ATXN10: variants seen among roughly 807,000 people sequenced by gnomAD.
The protein encoded by ATXN10 is ataxin 10.
ATXN10 carries 28 observed loss-of-function variants against 52.9 expected under a neutral mutation model. The ratio of observed to expected loss-of-function variants is 0.53; its 90% confidence interval spans 0.39 to 0.73. ATXN10 has a LOEUF of 0.73. Among genes scored for constraint, ATXN10 ranks in the 30% least tolerant of loss-of-function variants. The pLI, the probability that ATXN10 is intolerant of heterozygous loss-of-function variation, is 0.00. For synonymous variants in ATXN10, 226 were observed against 221.5 expected (o/e 1.02, Z -0.18); for missense variants, 565 against 577.0 (o/e 0.98, Z 0.21).
chr22:45,835,285 C>T lies in ATXN10; in HGVS notation c.1238-7706C>T, dbSNP rs1224383891. On this transcript the variant is annotated intron_variant, in intron 10 of 11. Coordinates refer to ENST00000252934, the MANE Select transcript of ATXN10 (RefSeq NM_013236.4). The surrounding 1 kb of genome is among the most constrained non-coding windows in gnomAD (Gnocchi z 5.0). ...GCTTTGCCTGGCGCGGGCGCTTGAG[C>T]TTTCACATCTGGGACTGGTGAGGGA... Among the ~76,000 whole-genome samples the T allele has an allele frequency of 6.6e-6, 1 of 152,166 alleles. No individual in the cohort carries two copies. The highest frequency in any genetic ancestry group is 1.5e-5 in the Non-Finnish European group (1 of 68,038).
rs1427828275 is a variant in ATXN10, at chr22:45,821,366, A to C, written c.1237+14344A>C. 6.0e-5 allele frequency among the ~76,000 whole-genome samples: 9 copies of C among 150,432 alleles called. No homozygotes were observed. The East Asian group carries it at 1.4e-3, about 24-fold the overall frequency. On this transcript the variant is annotated intron_variant, in intron 10 of 11. Transcript: ENST00000252934. ...TCTCTTTAAAAAAAAAAAAAAAAAA[A>C]ACGAACCTAGCACAGTTTCCTCCAG...
In ATXN10 at chr22:45,727,402, A is replaced by G. The variant is rs1464560692; in HGVS notation, c.729-2023A>G. On this transcript the variant is annotated intron_variant, in intron 6 of 11. Transcript: ENST00000252934. This position sits in a 1 kb window ranked among gnomAD's most constrained non-coding sequence, Gnocchi z 4.6. ...GAGACTGAGTCTCGCTCTGTTGCCCAGGCTGGGGTGCAGTGGCACGATCTT... is the reference window on the plus strand; with the variant it reads ...GAGACTGAGTCTCGCTCTGTTGCCCGGGCTGGGGTGCAGTGGCACGATCTT... 6.6e-6 allele frequency among the ~76,000 whole-genome samples: 1 copy of G among 151,346 alleles called. No homozygotes were observed. Among genetic ancestry groups the G allele is most frequent in the Non-Finnish European group, 1.5e-5 (1 of 67,910 alleles).
chr22:45,784,240 A>G lies in ATXN10; in HGVS notation c.1174-22719A>G, dbSNP rs73889613. Among the ~76,000 whole-genome samples, 3,265 of 152,302 alleles carry G rather than the reference A, an allele frequency of 0.021. 122 individuals carry two copies. The highest frequency in any genetic ancestry group is 0.074 in the African/African-American group (3,077 of 41,552). On this transcript the variant is annotated intron_variant, in intron 9 of 11. Coordinates refer to ENST00000252934, the MANE Select transcript of ATXN10 (RefSeq NM_013236.4). This position sits in a 1 kb window ranked among gnomAD's most constrained non-coding sequence, Gnocchi z 4.2. ...TGGGCTTTGCCACTCATTAAGCTCC[A>G]TGACTGTGAACAAATTAACCCTTAC...
chr22:45,735,812 C>CTTTTTTTTTTTTTT (rs746222703), intron 7 of ATXN10, among the ~76,000 whole-genome samples: 34 of 65,816 alleles, frequency 5.2e-4, no homozygotes, highest in Admixed American at 8.2e-4. Context: ...ATTTGCTTGT[C>CTTTTTTTTTTTTTT]TTTTTTTTTT....
chr22:45,818,977 G>T lies in ATXN10; in HGVS notation c.1237+11955G>T, dbSNP rs149302027. Reference sequence around the variant, plus strand: ...GCCTAAAACTTGCGTAGTCTGACACGTAGGGAAAACATGAGAAATCCATGC... The same window carrying T: ...GCCTAAAACTTGCGTAGTCTGACACTTAGGGAAAACATGAGAAATCCATGC... On this transcript the variant is annotated intron_variant, in intron 10 of 11. Coordinates refer to ENST00000252934, the MANE Select transcript of ATXN10 (RefSeq NM_013236.4). The surrounding 1 kb of genome is among the most constrained non-coding windows in gnomAD (Gnocchi z 4.6). Among the ~76,000 whole-genome samples, 1 of 152,126 alleles carries T rather than the reference G, an allele frequency of 6.6e-6. No individual in the cohort carries two copies. Among genetic ancestry groups the T allele is most frequent in the South Asian group, 2.1e-4 (1 of 4,822 alleles).
chr22:45,761,384 G>A (rs1320780515), intron 9 of ATXN10, among the ~76,000 whole-genome samples: 5 of 152,184 alleles, frequency 3.3e-5, no homozygotes, highest in East Asian at 1.9e-4. Flanking sequence ...GCACAGTTCC[G>A]GGCCCACAGT....
intron 3 of ATXN10, among the ~76,000 whole-genome samples, chr22:45,695,757 G>T (rs1923582544): frequency 6.6e-6 from 1 of 152,050 alleles, no homozygotes. Context: ...CTCTCAAAGT[G>T]CTGGGATTAC....
rs534248845 is a variant in ATXN10 at position 45,775,314 on chromosome 22, G to C, written c.1174-31645G>C. ...TGTTCACATCTGGACCTCAACATAG[G>C]GCCTGTTAGCTGAGGTGCACCCTCT... On this transcript the variant is annotated intron_variant, in intron 9 of 11. Transcript: ENST00000252934. The surrounding 1 kb of genome is among the most constrained non-coding windows in gnomAD (Gnocchi z 4.7). Among the ~76,000 whole-genome samples the C allele has an allele frequency of 2.0e-5, 3 of 152,252 alleles. No individual in the cohort carries two copies. The South Asian group carries it at 6.2e-4, about 32-fold the overall frequency.
At chr22:45,729,402 C>A in intron 6 of ATXN10, 23 bp from the exon 7 acceptor site, 2 of 1,612,218 alleles carry the variant, frequency 1.2e-6, no homozygotes, top group South Asian at 2.2e-5. Flanking sequence ...TAGATTCATG[C>A]AGAAATCCTT....
chr22:45,742,080 G>A (rs1925557652), intron 9 of ATXN10, among the ~76,000 whole-genome samples: 1 of 152,074 alleles, frequency 6.6e-6, no homozygotes, highest in Non-Finnish European at 1.5e-5. Flanking sequence ...GCAGGCTCCA[G>A]GCAGCTAAGC....
chr22:45,723,050 A>T (rs1260879320), intron 6 of ATXN10, among the ~76,000 whole-genome samples: 1 of 152,114 alleles, frequency 6.6e-6, no homozygotes, highest in Non-Finnish European at 1.5e-5. Context: ...ATGTAATCCA[A>T]TTTAAAAGGA....
intron 5 of ATXN10, among the ~76,000 whole-genome samples, chr22:45,707,691 T>C (rs1473489633): frequency 6.6e-6 from 1 of 151,084 alleles, no homozygotes; most frequent in Non-Finnish European, 1.5e-5. Flanking sequence ...AAGTTAAAGG[T>C]ATTAGAGACC....
intron 10 of ATXN10, among the ~76,000 whole-genome samples, chr22:45,836,932 G>T (rs1470820622): frequency 2.0e-5 from 3 of 152,152 alleles, no homozygotes; most frequent in Non-Finnish European, 4.4e-5. Context: ...GAGGAGGCTT[G>T]CCCGTGCTGA....
rs1003989046 is a variant in ATXN10, at chr22:45,769,438, G to C, written c.1173+28900G>C. Among the ~76,000 whole-genome samples the C allele has an allele frequency of 3.3e-5, 5 of 152,056 alleles. No individual in the cohort carries two copies. The highest frequency in any genetic ancestry group is 3.3e-4 in the Admixed American group (5 of 15,268). On this transcript the variant is annotated intron_variant, in intron 9 of 11. Coordinates refer to ENST00000252934, the MANE Select transcript of ATXN10 (RefSeq NM_013236.4). This position sits in a 1 kb window ranked among gnomAD's most constrained non-coding sequence, Gnocchi z 4.2. ...ATCCTGCCCGATGAGGGCACAGAAG[G>C]CCCCCAATGCCACAGTATAGGGGGA...
At chr22:45,710,174 G>C (rs1924191125) in intron 5 of ATXN10, among the ~76,000 whole-genome samples, 1 of 152,204 alleles carries the variant, frequency 6.6e-6, no homozygotes, top group South Asian at 2.1e-4. Context: ...CAAATCCAAA[G>C]TACTTGTCAT....
chr22:45,704,310 TAA>T (rs150976871), intron 5 of ATXN10, among the ~76,000 whole-genome samples: 1 of 143,410 alleles, frequency 7.0e-6, no homozygotes, highest in Non-Finnish European at 1.5e-5. Flanking sequence ...TTCAATTTGT[TAA>T]AAAAAAAAAA....
intron 9 of ATXN10, among the ~76,000 whole-genome samples, chr22:45,767,664 CA>C (rs1362627812): frequency 6.7e-6 from 1 of 149,558 alleles, no homozygotes. Flanking sequence ...AATACAAATA[CA>C]ATCTCTTGAA....
At chr22:45,809,231 A>G (rs1489332786) in intron 10 of ATXN10, among the ~76,000 whole-genome samples, 1 of 152,218 alleles carries the variant, frequency 6.6e-6, no homozygotes, top group Non-Finnish European at 1.5e-5. Context: ...GTAAAACCAC[A>G]CTGATGCTTC....
At chr22:45,804,111 C>T (rs1221949616) in intron 9 of ATXN10, among the ~76,000 whole-genome samples, 1 of 152,120 alleles carries the variant, frequency 6.6e-6, no homozygotes, top group Non-Finnish European at 1.5e-5. Flanking sequence ...CAGCAGACAC[C>T]GCATGGCTGT....
Sources: allele counts gnomAD v4.1 joint callset (sites outside exome capture counted in the v4.1 genomes callset), GRCh38; gene constraint gnomAD v4.1.1; non-coding constraint Gnocchi (gnomAD v3.1); transcripts MANE v1.5; gene names NCBI Gene and HGNC (gene_info 2026-07-23, HGNC 2026-07-21).